Variants in FGD4 observed in about 807,000 individuals in gnomAD.
FGD4 encodes FYVE, RhoGEF and PH domain-containing protein 4.
In FGD4, 42 loss-of-function variants were observed where a neutral mutation model predicts 102.0. That is an observed-to-expected ratio of 0.41 (90% confidence interval 0.32 to 0.53). FGD4 has a LOEUF of 0.53. FGD4 is among the 20% of genes least tolerant of loss of function. FGD4 has a pLI of 0.21. For missense variants in FGD4, 902 were observed against 1,078.2 expected, an observed-to-expected ratio of 0.84 and a Z score of 2.29; for synonymous variants, 380 against 375.7, an observed-to-expected ratio of 1.01 and a Z score of -0.13.
chr12:32,435,142 C>A (rs921285734), intron 1 of FGD4, among the ~76,000 whole-genome samples: 1 of 152,088 alleles, frequency 6.6e-6, no homozygotes, highest in Non-Finnish European at 1.5e-5. Flanking sequence ...GGAGTTTCTC[C>A]ATGTTTGTCA....
At chr12:32,632,351 T>G (rs1210522234) in intron 14 of FGD4, among the ~76,000 whole-genome samples, 1 of 152,184 alleles carries the variant, frequency 6.6e-6, no homozygotes, top group Non-Finnish European at 1.5e-5. Flanking sequence ...AAAGCTGTAG[T>G]CAGTGCTATG....
Position 32,399,743 on chromosome 12 carries a change from C to G in FGD4, c.-51C>G, listed in dbSNP as rs556315019. 11 of 1,518,320 alleles carry G rather than the reference C, an allele frequency of 7.2e-6. No homozygotes were observed. Among genetic ancestry groups the G allele is most frequent in the Non-Finnish European group, 8.8e-6 (10 of 1,140,672 alleles). The allele number at this position is 1,518,320 out of a possible 1,614,324, so 94.1% of individuals were successfully genotyped here. ...GGCGACGCCCCCCAGGGGCCGCTCG[C>G]GGCTGGACGGGAGCGGGAGGAGTCG... On this transcript the variant is annotated 5_prime_UTR_variant, in exon 1 of 17. Coordinates refer to ENST00000534526, the MANE Select transcript of FGD4 (RefSeq NM_001370298.3).
chr12:32,484,983 C>T (rs973312055), intron 1 of FGD4, among the ~76,000 whole-genome samples: 3 of 152,206 alleles, frequency 2.0e-5, no homozygotes, highest in Admixed American at 6.5e-5. Context: ...CACTATGTAA[C>T]GTCAACCTTC....
intron 16 of FGD4, 152 bp from the exon 17 acceptor site, chr12:32,640,124 C>A: frequency 8.7e-7 from 1 of 1,150,760 alleles, no homozygotes; most frequent in Non-Finnish European, 1.3e-6. Flanking sequence ...AGGCTCTGTA[C>A]TAAGCAATGG....
At chr12:32,602,360 A>G (rs1327024180) in intron 7 of FGD4, 43 bp downstream of exon 7, 5 of 1,607,442 alleles carry the variant, frequency 3.1e-6, no homozygotes, top group South Asian at 1.1e-5. Context: ...TACTATTTCC[A>G]TACAAATTAT....
At position 32,566,402 on chromosome 12, in the gene FGD4, T is replaced by C. The variant is rs565986397; in HGVS notation, c.319+2113T>C. Among the ~76,000 whole-genome samples, 4 of 152,272 alleles carry C rather than the reference T, an allele frequency of 2.6e-5. No homozygotes were observed. In the East Asian group the frequency reaches 7.7e-4, roughly 29 times the overall value. On this transcript the variant is annotated intron_variant, in intron 2 of 16. Transcript: ENST00000534526. ...AACACTCAGACCACAGCACTCCGTATGAACTTTATTTTTTCTCATTCATTA... is the reference window on the plus strand; with the variant it reads ...AACACTCAGACCACAGCACTCCGTACGAACTTTATTTTTTCTCATTCATTA...
rs775103873 is a variant in FGD4, at chr12:32,576,351, A to G, written c.405A>G (p.Lys135=). 1 of 1,614,126 alleles carries G rather than the reference A, an allele frequency of 6.2e-7. No individual in the cohort carries two copies. The highest frequency in any genetic ancestry group is 1.1e-5 in the South Asian group (1 of 91,080). Residue 135 remains lysine (K), a synonymous_variant, in exon 3 of 17, where the codon AAA becomes AAG. Coordinates refer to ENST00000534526, the MANE Select transcript of FGD4 (RefSeq NM_001370298.3). ...GGCATAAAGCTTTACCTAGTGCAAAACCAAGGATGGAGGAAATTAAACCTG... is the reference window on the plus strand; with the variant it reads ...GGCATAAAGCTTTACCTAGTGCAAAGCCAAGGATGGAGGAAATTAAACCTG... ...TPRHKALPSA[K]PRMEEIKPAS...
intron 1 of FGD4, among the ~76,000 whole-genome samples, chr12:32,504,763 A>C (rs1243920059): frequency 6.6e-6 from 1 of 152,212 alleles, no homozygotes; most frequent in Non-Finnish European, 1.5e-5. Flanking sequence ...AGAGTGATTC[A>C]AATCCATGAA....
At chr12:32,456,644 A>G (rs953847138) in intron 1 of FGD4, among the ~76,000 whole-genome samples, 5 of 152,210 alleles carry the variant, frequency 3.3e-5, no homozygotes, top group African/African-American at 9.6e-5. Flanking sequence ...TCAAAATGTT[A>G]TAAAGTTCAG....
intron 2 of FGD4, among the ~76,000 whole-genome samples, chr12:32,564,906 A>C (rs906960118): frequency 2.0e-5 from 3 of 152,316 alleles, no homozygotes; most frequent in South Asian, 2.1e-4. Flanking sequence ...AACTTTGAGA[A>C]GCACAGAATT....
intron 1 of FGD4, among the ~76,000 whole-genome samples, chr12:32,474,103 A>G (rs1182491471): frequency 6.6e-6 from 1 of 152,026 alleles, no homozygotes; most frequent in African/African-American, 2.4e-5. Context: ...AAAAAAACAA[A>G]AAGTATTCGG....
chr12:32,404,232 CT>C (rs1279282219), intron 1 of FGD4, among the ~76,000 whole-genome samples: 1 of 150,848 alleles, frequency 6.6e-6, no homozygotes, highest in Non-Finnish European at 1.5e-5. Flanking sequence ...ACATTATTTA[CT>C]TGGTAAACTT....
intron 1 of FGD4, among the ~76,000 whole-genome samples, chr12:32,535,397 G>A (rs1317664604): frequency 6.6e-6 from 1 of 152,120 alleles, no homozygotes. Flanking sequence ...CCCAAGGTTG[G>A]GGTTGGTGAC....
At position 32,524,162 on chromosome 12, in the gene FGD4, C is replaced by T. The variant is rs149641764; in HGVS notation, c.167-39975C>T. On this transcript the variant is annotated intron_variant, in intron 1 of 16. Coordinates refer to ENST00000534526, the MANE Select transcript of FGD4 (RefSeq NM_001370298.3). ...CTGTAATCCCAGCACTTTGGGAGGC[C>T]GAGGCGGGCGAATCACGAGGTCAGG... 4.0e-3 allele frequency among the ~76,000 whole-genome samples: 607 copies of T among 151,578 alleles called. 2 individuals carry two copies. The highest frequency in any genetic ancestry group is 0.014 in the African/African-American group (578 of 41,330).
At chr12:32,558,487 G>C (rs980037816) in intron 1 of FGD4, among the ~76,000 whole-genome samples, 1 of 152,184 alleles carries the variant, frequency 6.6e-6, no homozygotes, top group African/African-American at 2.4e-5. Context: ...GTGGTAAGAG[G>C]TCAGGCTCGA....
chr12:32,615,594 C>T (rs1219624122), intron 10 of FGD4, among the ~76,000 whole-genome samples: 1 of 152,012 alleles, frequency 6.6e-6, no homozygotes, highest in Non-Finnish European at 1.5e-5. Flanking sequence ...TCAGAGTCTT[C>T]TTCAGAGGTC....
At position 32,416,901 on chromosome 12, in the gene FGD4, CTT is replaced by C. The variant is rs746296505; in HGVS notation, c.166+16954_166+16955del. Among the ~76,000 whole-genome samples, 10 of 142,700 alleles carry C rather than the reference CTT, an allele frequency of 7.0e-5. No homozygotes were observed. The South Asian group carries it at 8.8e-4, about 13-fold the overall frequency. 93.6% of individuals were successfully genotyped at this position (142,700 alleles called of 152,430 possible). On this transcript the variant is annotated intron_variant, in intron 1 of 16. Coordinates refer to ENST00000534526, the MANE Select transcript of FGD4 (RefSeq NM_001370298.3). Reference sequence around the variant, plus strand: ...TTAACGTCCTTTTCTTTTTCTTTTTCTTTTTTTTTTTTTGAGATGGAGTCTTG... The same window carrying C: ...TTAACGTCCTTTTCTTTTTCTTTTTCTTTTTTTTTTTGAGATGGAGTCTTG...
chr12:32,576,796 G>A (rs370719989), intron 3 of FGD4, among the ~76,000 whole-genome samples: 6 of 152,208 alleles, frequency 3.9e-5, no homozygotes, highest in African/African-American at 1.4e-4. Flanking sequence ...CAATATCTGG[G>A]TTGGAAAGTC....
At chr12:32,590,491 A>G (rs576366265) in intron 4 of FGD4, among the ~76,000 whole-genome samples, 5 of 151,850 alleles carry the variant, frequency 3.3e-5, no homozygotes, top group Admixed American at 6.6e-5. Flanking sequence ...TGACCATGAA[A>G]CCTGTGTTTT....
Sources: allele counts gnomAD v4.1 joint callset (sites outside exome capture counted in the v4.1 genomes callset), GRCh38; gene constraint gnomAD v4.1.1; transcripts MANE v1.5; gene names NCBI Gene and HGNC (gene_info 2026-07-23, HGNC 2026-07-21).